GRIK4: variants seen among roughly 807,000 people sequenced by gnomAD.
The protein encoded by GRIK4 is glutamate ionotropic receptor kainate type subunit 4, also known as glutamate receptor ionotropic, kainate 4.
In GRIK4, 40 loss-of-function variants were observed where a neutral mutation model predicts 104.9. The observed-to-expected ratio is 0.38, with a 90% confidence interval of 0.30 to 0.50. The LOEUF is 0.50. Ranked by LOEUF, GRIK4 falls within the 20% of genes least tolerant of loss-of-function variation. GRIK4 has a pLI of 0.93. For synonymous variants in GRIK4, 485 were observed against 524.9 expected, an observed-to-expected ratio of 0.92 and a Z score of 1.04; for missense variants, 1,047 against 1,308.1, an observed-to-expected ratio of 0.80 and a Z score of 3.08.
intron 1 of GRIK4, among the ~76,000 whole-genome samples, chr11:120,558,017 C>CAAAAAAAAAAAAA (rs59960959): frequency 2.5e-5 from 1 of 39,596 alleles, no homozygotes; most frequent in Non-Finnish European, 5.7e-5. Context: ...GACTCCGTCT[C>CAAAAAAAAAAAAA]AAAAAAAAAA....
At chr11:120,979,646 T>C (rs971526184) in intron 19 of GRIK4, among the ~76,000 whole-genome samples, 11 of 152,010 alleles carry the variant, frequency 7.2e-5, no homozygotes, top group African/African-American at 2.2e-4. Context: ...AACATGAGTA[T>C]GTGAATGTGC....
At chr11:120,782,308 C>T (rs1376135325) in intron 3 of GRIK4, among the ~76,000 whole-genome samples, 10 of 130,868 alleles carry the variant, frequency 7.6e-5, no homozygotes, top group East Asian at 2.2e-4. Flanking sequence ...TTTTTTGAGA[C>T]GGAGTCTCGC....
In GRIK4 at chr11:120,883,590, C is replaced by G. The variant is rs186074416; in HGVS notation, c.1164+8347C>G. On this transcript the variant is annotated intron_variant, in intron 11 of 20. Coordinates refer to ENST00000527524, the MANE Select transcript of GRIK4 (RefSeq NM_014619.5). ...GAAGGGTGTTTTCTCTCCTGCCTTC[C>G]TGGCCCATGTAAGTCTGGTTCTTTC... Among the ~76,000 whole-genome samples the G allele has an allele frequency of 5.9e-4, 90 of 152,340 alleles. 1 individual carries two copies. The highest frequency in any genetic ancestry group is 2.1e-3 in the African/African-American group (88 of 41,564).
chr11:120,520,094 T>C lies in GRIK4; in HGVS notation c.-159+8207T>C, dbSNP rs1947779049. On this transcript the variant is annotated intron_variant, in intron 1 of 20. Coordinates refer to ENST00000527524, the MANE Select transcript of GRIK4 (RefSeq NM_014619.5). ...TTTCAGTAGAGACAGGGTTTCACCA[T>C]GTTGGCCAGGCTGGTCTCAAACTCC... Among the ~76,000 whole-genome samples the C allele has an allele frequency of 1.4e-4, 21 of 152,210 alleles. No homozygotes were observed. In the South Asian group the frequency reaches 4.1e-3, roughly 30 times the overall value.
intron 3 of GRIK4, among the ~76,000 whole-genome samples, chr11:120,720,079 C>T (rs1403213276): frequency 6.6e-6 from 1 of 151,836 alleles, no homozygotes; most frequent in Non-Finnish European, 1.5e-5. Flanking sequence ...AAGCAAACTA[C>T]ACCTGGGATT....
intron 3 of GRIK4, among the ~76,000 whole-genome samples, chr11:120,771,869 A>G (rs1299014269): frequency 6.6e-6 from 1 of 152,268 alleles, no homozygotes. Flanking sequence ...AAATTGCTGC[A>G]GGAGTGAGAT....
intron 1 of GRIK4, among the ~76,000 whole-genome samples, chr11:120,527,373 G>A (rs1255229045): frequency 6.6e-6 from 1 of 152,158 alleles, no homozygotes; most frequent in Non-Finnish European, 1.5e-5. Flanking sequence ...TGCTGGGTGG[G>A]GACCCCGGAG....
chr11:120,776,457 G>A (rs2135464756), intron 3 of GRIK4, among the ~76,000 whole-genome samples: 1 of 152,268 alleles, frequency 6.6e-6, no homozygotes, highest in Admixed American at 6.5e-5. Flanking sequence ...TTTGTAGAAG[G>A]GACACCCTCC....
rs538688478 is a variant in GRIK4 at position 120,733,500 on chromosome 11, T to G, written c.83-69193T>G. Among the ~76,000 whole-genome samples the G allele has an allele frequency of 2.4e-4, 37 of 151,644 alleles. 1 individual carries two copies. The highest frequency in any genetic ancestry group is 6.3e-4 in the South Asian group (3 of 4,786). Reference sequence around the variant, plus strand: ...TTTTTGTGTATCTGTTGTATTTTTTTGGGGGGGGAGCTTACCATAAGGTTT... The same window carrying G: ...TTTTTGTGTATCTGTTGTATTTTTTGGGGGGGGGAGCTTACCATAAGGTTT... On this transcript the variant is annotated intron_variant, in intron 3 of 20. Coordinates refer to ENST00000527524, the MANE Select transcript of GRIK4 (RefSeq NM_014619.5).
chr11:120,525,203 C>T (rs1243930798), intron 1 of GRIK4, among the ~76,000 whole-genome samples: 1 of 152,154 alleles, frequency 6.6e-6, no homozygotes, highest in African/African-American at 2.4e-5. Context: ...GGTACCATGG[C>T]TTTGTCAAGT....
At chr11:120,696,509 G>T (rs532669036) in intron 3 of GRIK4, among the ~76,000 whole-genome samples, 1 of 132,952 alleles carries the variant, frequency 7.5e-6, no homozygotes, top group South Asian at 2.8e-4. Context: ...AGGGGGCTGT[G>T]AAGCTTAAAT....
rs1233619556 is a variant in GRIK4, at chr11:120,866,613, A to T, written c.906+4493A>T. Among the ~76,000 whole-genome samples the T allele has an allele frequency of 3.9e-5, 6 of 152,260 alleles. No homozygotes were observed. In the South Asian group the frequency reaches 1.0e-3, roughly 26 times the overall value. On this transcript the variant is annotated intron_variant, in intron 9 of 20. Transcript: ENST00000527524. ...ATTCAGTGAGTGGGGGTGTTCTCTG[A>T]GGCTCTCTTGGTGCTGCCGGCGGAG...
At chr11:120,943,380 G>C (rs998812116) in intron 14 of GRIK4, among the ~76,000 whole-genome samples, 1 of 152,122 alleles carries the variant, frequency 6.6e-6, no homozygotes. Context: ...GTACCAAAAA[G>C]TCAGCTGAGG....
intron 1 of GRIK4, among the ~76,000 whole-genome samples, chr11:120,553,807 T>A (rs2136097285): frequency 6.6e-6 from 1 of 152,258 alleles, no homozygotes. Flanking sequence ...TGCCTGTATG[T>A]CACTTGTGCC....
intron 2 of GRIK4, among the ~76,000 whole-genome samples, chr11:120,657,599 G>A (rs1949732680): frequency 6.6e-6 from 1 of 152,244 alleles, no homozygotes. Context: ...CCCAGGCCTA[G>A]ACGCATAAAG....
In GRIK4 at chr11:120,663,279, C is replaced by T. The variant is rs541868865; in HGVS notation, c.82+2879C>T. 2.0e-5 allele frequency among the ~76,000 whole-genome samples: 3 copies of T among 152,236 alleles called. No homozygotes were observed. The South Asian group carries it at 6.2e-4, about 32-fold the overall frequency. ...AGATCCGGAAGGGACTGTAAGGATT[C>T]GTTATCTAACCTGCTCATCTTGCAA... On this transcript the variant is annotated intron_variant, in intron 3 of 20. Coordinates refer to ENST00000527524, the MANE Select transcript of GRIK4 (RefSeq NM_014619.5).
intron 1 of GRIK4, among the ~76,000 whole-genome samples, chr11:120,527,637 T>G (rs1385529202): frequency 6.6e-6 from 1 of 152,216 alleles, no homozygotes; most frequent in African/African-American, 2.4e-5. Context: ...TTTTGTTACC[T>G]TTGTGATGTG....
chr11:120,534,965 C>T (rs944777782), intron 1 of GRIK4, among the ~76,000 whole-genome samples: 2 of 152,160 alleles, frequency 1.3e-5, no homozygotes, highest in East Asian at 1.9e-4. Flanking sequence ...AGGATGATCC[C>T]GGGCAAACCT....
In GRIK4 at chr11:120,862,135, G is replaced by A. The variant is rs1346652601; in HGVS notation, c.906+15G>A. ...CTGGGCCTGCGGTAAGTACCCGCCAGAGCTCTTCCTGGTGCCCCTTGGCCT... is the reference window on the plus strand; with the variant it reads ...CTGGGCCTGCGGTAAGTACCCGCCAAAGCTCTTCCTGGTGCCCCTTGGCCT... On this transcript the variant is annotated intron_variant, in intron 9 of 20. Coordinates refer to ENST00000527524, the MANE Select transcript of GRIK4 (RefSeq NM_014619.5). 6.2e-7 allele frequency: 1 copy of A among 1,610,388 alleles called. No homozygotes were observed. The highest frequency in any genetic ancestry group is 1.1e-5 in the South Asian group (1 of 90,580).
Sources: gnomAD v4.1 joint callset for allele counts (sites outside exome capture counted in the v4.1 genomes callset) on GRCh38, gnomAD v4.1.1 for gene constraint, MANE v1.5 for transcripts, NCBI Gene and HGNC (gene_info 2026-07-23, HGNC 2026-07-21) for gene names.